Variants in LINGO1 observed in about 807,000 individuals in gnomAD.
LINGO1 encodes the protein leucine-rich repeat and immunoglobulin-like domain-containing nogo receptor-interacting protein 1.
A neutral mutation model predicts 37.3 loss-of-function variants in LINGO1; 11 were observed. The ratio of observed to expected loss-of-function variants is 0.29; its 90% CI spans 0.19 to 0.49. The LOEUF (loss-of-function observed/expected upper bound fraction) is 0.49, where lower values mean the gene tolerates loss of function less well. Among genes scored for constraint, LINGO1 ranks in the 20% least tolerant of loss-of-function variants. LINGO1 has a pLI of 0.99. For missense variants in LINGO1, 585 were observed against 878.2 expected (o/e 0.67, Z 4.22); for synonymous variants, 387 against 403.0 (o/e 0.96, Z 0.48).
At chr15:77,647,689 A>G in intron 3 of LINGO1, 1 of 362,004 alleles carries the variant, frequency 2.8e-6, no homozygotes, top group South Asian at 2.1e-5. Flanking sequence ...GCAGCCCGGG[A>G]AAGGCCCTGG....
chr15:77,641,063 C>T (rs755115072), intron 3 of LINGO1, among the ~76,000 whole-genome samples: 7 of 152,138 alleles, frequency 4.6e-5, no homozygotes, highest in African/African-American at 1.7e-4. Context: ...GTCAGGTACA[C>T]GGAAGGTAGA....
chr15:77,640,391 T>C (rs2074478558), intron 3 of LINGO1, among the ~76,000 whole-genome samples: 1 of 152,142 alleles, frequency 6.6e-6, no homozygotes, highest in Non-Finnish European at 1.5e-5. Context: ...TGGGCTCAAA[T>C]CACGGACAGA....
intron 1 of LINGO1, among the ~76,000 whole-genome samples, chr15:77,797,797 C>G (rs930549895): frequency 1.3e-5 from 2 of 152,208 alleles, no homozygotes; most frequent in African/African-American, 2.4e-5. Context: ...AAGGTGACAG[C>G]TATAATGTGG....
At chr15:77,719,400 T>C (rs1386571675) in intron 2 of LINGO1, among the ~76,000 whole-genome samples, 2 of 149,640 alleles carry the variant, frequency 1.3e-5, no homozygotes, top group African/African-American at 4.9e-5. Flanking sequence ...CCCTCCTCCA[T>C]GTAAGATCAT....
chr15:77,729,202 C>T (rs368176420), intron 2 of LINGO1, among the ~76,000 whole-genome samples: 1 of 152,188 alleles, frequency 6.6e-6, no homozygotes, highest in African/African-American at 2.4e-5. Flanking sequence ...ATGATGGAGG[C>T]ACATCCAGGT....
intron 1 of LINGO1, among the ~76,000 whole-genome samples, chr15:77,801,748 G>A (rs1443305917): frequency 3.3e-5 from 5 of 152,130 alleles, no homozygotes; most frequent in Non-Finnish European, 7.3e-5. Flanking sequence ...GGAAACACTA[G>A]GGCTCTAGGA....
At position 77,615,390 on chromosome 15, in the gene LINGO1, C is replaced by G; in HGVS notation, c.517G>C (p.Glu173Gln). Residue 173 changes from glutamate to glutamine, a missense_variant, in exon 2 of 2, where the codon GAG becomes CAG. Glu to Gln is a conservative substitution (Grantham distance 29, BLOSUM62 2). Transcript: ENST00000355300. Reference sequence around the variant, plus strand: ...TAGACGAGGTCATTGTCGCCAACCTCCAGTGACTTGAGGTTGTACAGGTCC... The same window carrying G: ...TAGACGAGGTCATTGTCGCCAACCTGCAGTGACTTGAGGTTGTACAGGTCC... ...FQDLYNLKSL[E>Q]VGDNDLVYIS... The G allele has an allele frequency of 3.1e-6, 5 of 1,614,024 alleles. No individual in the cohort carries two copies. The highest frequency in any genetic ancestry group is 4.2e-6 in the Non-Finnish European group (5 of 1,179,894).
intron 1 of LINGO1, among the ~76,000 whole-genome samples, chr15:77,626,982 G>A (rs1411153794): frequency 1.4e-4 from 6 of 41,602 alleles, no homozygotes; most frequent in African/African-American, 7.1e-4. Flanking sequence ...CCGCAGCCCT[G>A]CACTGGGCTA....
At chr15:77,818,501 G>C (rs1288282906) in intron 1 of LINGO1, among the ~76,000 whole-genome samples, 1 of 152,228 alleles carries the variant, frequency 6.6e-6, no homozygotes, top group Admixed American at 6.5e-5. Context: ...GCACCAGGCC[G>C]GCAGACCTGG....
At chr15:77,623,674 C>T (rs1012145923) in intron 1 of LINGO1, among the ~76,000 whole-genome samples, 2 of 152,108 alleles carry the variant, frequency 1.3e-5, no homozygotes, top group Non-Finnish European at 2.9e-5. Context: ...GCCCCGCCCC[C>T]ACCTGCCTCC....
At chr15:77,648,076 G>A (rs2074676632) in intron 3 of LINGO1, 12 of 376,122 alleles carry the variant, frequency 3.2e-5, no homozygotes, top group South Asian at 2.4e-4. Flanking sequence ...GGTGGTAAGT[G>A]GGGAGGACTT....
chr15:77,815,770 C>A (rs11854573), intron 1 of LINGO1, among the ~76,000 whole-genome samples: 51,853 of 151,812 alleles, frequency 0.34, 9,333 homozygotes, highest in Admixed American at 0.44. Flanking sequence ...CCACCAGAGA[C>A]GTGGTTTATA....
upstream of LINGO1, among the ~76,000 whole-genome samples, chr15:77,638,280 C>G (rs917774414): frequency 6.8e-6 from 1 of 147,994 alleles, no homozygotes; most frequent in Admixed American, 6.6e-5. Flanking sequence ...GCACTACCCC[C>G]GCCGAAGTTC....
intron 2 of LINGO1, among the ~76,000 whole-genome samples, chr15:77,701,798 C>G (rs1478585986): frequency 1.3e-5 from 2 of 152,190 alleles, no homozygotes; most frequent in African/African-American, 2.4e-5. Flanking sequence ...GGCCCCCTCC[C>G]CTGATGCAGA....
intron 1 of LINGO1, among the ~76,000 whole-genome samples, chr15:77,622,532 G>A (rs778009045): frequency 6.6e-5 from 10 of 152,240 alleles, no homozygotes; most frequent in Non-Finnish European, 1.3e-4. Flanking sequence ...GATCACCAAG[G>A]AAAAGAAGCA....
chr15:77,623,156 T>C (rs1312594731), intron 1 of LINGO1, among the ~76,000 whole-genome samples: 1 of 152,178 alleles, frequency 6.6e-6, no homozygotes, highest in African/African-American at 2.4e-5. Context: ...ACCTAGCTCT[T>C]AATGAAGGAG....
chr15:77,703,887 T>G (rs886282544), intron 2 of LINGO1, among the ~76,000 whole-genome samples: 1 of 152,080 alleles, frequency 6.6e-6, no homozygotes, highest in Non-Finnish European at 1.5e-5. Context: ...GTCCCCAGTC[T>G]AGGCAGAAAG....
upstream of LINGO1, among the ~76,000 whole-genome samples, chr15:77,789,982 G>C (rs762071836): frequency 7.9e-5 from 12 of 151,982 alleles, no homozygotes; most frequent in Admixed American, 1.3e-4. Context: ...ATGTTGCCCA[G>C]GCTGGTCTCA....
chr15:77,744,676 C>T (rs2076295941), intron 1 of LINGO1, among the ~76,000 whole-genome samples: 1 of 152,182 alleles, frequency 6.6e-6, no homozygotes, highest in Admixed American at 6.5e-5. Flanking sequence ...ATCAGTATTC[C>T]CCTTTTCAGA....
Sources: allele counts gnomAD v4.1 joint callset (sites outside exome capture counted in the v4.1 genomes callset), GRCh38; gene constraint gnomAD v4.1.1; transcripts MANE v1.5; gene names NCBI Gene and HGNC (gene_info 2026-07-23, HGNC 2026-07-21).